The following IFT74 variants were observed in gnomAD, a reference collection of about 807,000 sequenced individuals.
IFT74 encodes intraflagellar transport 74, also known as intraflagellar transport protein 74 homolog.
In IFT74, 92 loss-of-function variants were observed where a neutral mutation model predicts 96.7. The observed-to-expected ratio is 0.95, with a 90% CI of 0.80 to 1.13. The LOEUF is 1.13. Ranked by LOEUF, IFT74 falls within the 50% of genes most tolerant of loss-of-function variation. The probability of loss-of-function intolerance (pLI) is 0.00; values close to 1 mark genes in which losing one functional copy is unlikely to be tolerated. For synonymous variants in IFT74, 223 were observed against 213.2 expected, an observed-to-expected ratio of 1.05 and a Z score of -0.40; for missense variants, 811 against 698.2, an observed-to-expected ratio of 1.16 and a Z score of -1.82.
chr9:26,999,777 T>C lies in IFT74; in HGVS notation c.588-9243T>C. Reference sequence around the variant, plus strand: ...CTTTTGAATCTGTTTATTCTTTTTTTTTTTTTTTTTTTTTGGCTGAGACAG... The same window carrying C: ...CTTTTGAATCTGTTTATTCTTTTTTCTTTTTTTTTTTTTTGGCTGAGACAG... On this transcript the variant is annotated intron_variant, in intron 8 of 19. Transcript: ENST00000380062. 28 of 896,146 alleles carry C rather than the reference T, an allele frequency of 3.1e-5. No homozygotes were observed. The East Asian group carries it at 6.3e-4, about 20-fold the overall frequency. 55.5% of individuals were successfully genotyped at this position (896,146 alleles called of 1,614,324 possible).
intron 9 of IFT74, among the ~76,000 whole-genome samples, chr9:27,010,521 G>T (rs1756223838): frequency 7.2e-6 from 1 of 138,654 alleles, no homozygotes; most frequent in African/African-American, 2.7e-5. Context: ...ACGGAGTTTC[G>T]CTCTGTCGCC....
intron 8 of IFT74, chr9:26,995,978 A>AT: frequency 4.1e-6 from 3 of 735,908 alleles, no homozygotes; most frequent in South Asian, 5.4e-5. Context: ...TTTTCTTTAG[A>AT]TTTTGTTTGG....
At chr9:27,053,235 T>C (rs1820014508) in intron 16 of IFT74, among the ~76,000 whole-genome samples, 1 of 145,172 alleles carries the variant, frequency 6.9e-6, no homozygotes, top group Non-Finnish European at 1.5e-5. Context: ...ACTTAGATAT[T>C]ATAATGGCCC....
intron 1 of IFT74, chr9:26,947,189 G>C (rs539778490): frequency 2.0e-6 from 2 of 995,150 alleles, no homozygotes; most frequent in East Asian, 3.1e-5. Flanking sequence ...GAGCCGGTAC[G>C]GAAGGGCGGC....
At chr9:27,039,097 A>G (rs930358677) in intron 13 of IFT74, among the ~76,000 whole-genome samples, 2 of 152,184 alleles carry the variant, frequency 1.3e-5, no homozygotes, top group African/African-American at 4.8e-5. Context: ...CCACCTCACC[A>G]TATGGGCACC....
At chr9:27,059,130 A>G (rs942514892) in intron 18 of IFT74, among the ~76,000 whole-genome samples, 3 of 151,954 alleles carry the variant, frequency 2.0e-5, no homozygotes, top group Non-Finnish European at 2.9e-5. Flanking sequence ...TTAATTGCTA[A>G]TTTTAACTCC....
At chr9:27,033,702 T>A (rs77461142) in intron 13 of IFT74, among the ~76,000 whole-genome samples, 1,939 of 152,260 alleles carry the variant, frequency 0.013, 39 homozygotes, top group African/African-American at 0.045. Flanking sequence ...GTTTCTAATT[T>A]TTTACTCCCA....
intron 1 of IFT74, among the ~76,000 whole-genome samples, chr9:26,958,329 G>A (rs1218551336): frequency 6.6e-6 from 1 of 152,182 alleles, no homozygotes; most frequent in Admixed American, 6.5e-5. Flanking sequence ...TGAAGAAGAC[G>A]AAGATTCCAA....
At chr9:26,984,587 C>T in intron 6 of IFT74, 28 bp downstream of exon 6, 1 of 1,545,770 alleles carries the variant, frequency 6.5e-7, no homozygotes. Context: ...AGAGAATTTA[C>T]TGTTAATATT....
chr9:26,980,666 G>T, intron 4 of IFT74, 47 bp downstream of exon 4: 1 of 1,221,074 alleles, frequency 8.2e-7, no homozygotes, highest in Non-Finnish European at 1.2e-6. Flanking sequence ...TCGAAATATT[G>T]TGTACCTTCT....
upstream of IFT74, among the ~76,000 whole-genome samples, chr9:26,952,317 C>T (rs1465685194): frequency 6.6e-6 from 1 of 150,442 alleles, no homozygotes; most frequent in South Asian, 2.1e-4. Flanking sequence ...TACTCTTGTC[C>T]CCAAGCTGGA....
chr9:27,061,707 T>TATATATATATGTAC (rs1564011674), intron 19 of IFT74, among the ~76,000 whole-genome samples: 3 of 141,916 alleles, frequency 2.1e-5, no homozygotes, highest in African/African-American at 7.7e-5. Flanking sequence ...GTACATAATA[T>TATATATATATGTAC]ATAATATATA....
chr9:26,948,428 A>G (rs1825815581), intron 1 of IFT74, among the ~76,000 whole-genome samples: 1 of 133,262 alleles, frequency 7.5e-6, no homozygotes, highest in South Asian at 2.4e-4. Flanking sequence ...CTGTTTGACA[A>G]CCTGTGATGG....
At chr9:26,985,921 A>G (rs920901494) in intron 6 of IFT74, among the ~76,000 whole-genome samples, 15 of 152,202 alleles carry the variant, frequency 9.9e-5, no homozygotes, top group African/African-American at 3.6e-4. Context: ...AGTATATAAC[A>G]TGATATAGTT....
intron 16 of IFT74, among the ~76,000 whole-genome samples, chr9:27,052,048 A>G (rs1473681477): frequency 2.0e-5 from 3 of 152,210 alleles, no homozygotes; most frequent in Admixed American, 6.5e-5. Flanking sequence ...TCTAAAGTCA[A>G]TGTAAATTCA....
upstream of IFT74, chr9:26,956,170 A>G (rs898764948): frequency 2.6e-5 from 4 of 152,278 alleles, no homozygotes; most frequent in African/African-American, 9.6e-5. Flanking sequence ...CAAGTAAGGC[A>G]CACGGAGGTT....
intron 14 of IFT74, 76 bp downstream of exon 14, chr9:27,044,871 A>T: frequency 1.2e-6 from 1 of 829,408 alleles, no homozygotes; most frequent in Non-Finnish European, 1.9e-6. Context: ...CAGAGACCTC[A>T]TTTTGGGCAG....
chr9:26,997,974 A>G (rs552964933), intron 8 of IFT74: 1 of 1,613,938 alleles, frequency 6.2e-7, no homozygotes, highest in Non-Finnish European at 8.5e-7. Flanking sequence ...AAGCCTAAAA[A>G]TGCACCCTGT....
rs554919206 is a variant in IFT74 at position 26,993,867 on chromosome 9, A to G, written c.587+3672A>G. On this transcript the variant is annotated intron_variant, in intron 8 of 19. Coordinates refer to ENST00000380062, the MANE Select transcript of IFT74 (RefSeq NM_025103.4). ...ACCAGAAATATTATTTCACCCATCA[A>G]TATATTTCATTATTTCAGAGATATA... The G allele has an allele frequency of 2.0e-5, 3 of 152,262 alleles. No individual in the cohort carries two copies. The South Asian group carries it at 6.2e-4, about 32-fold the overall frequency. The allele number at this position is 152,262 out of a possible 1,614,324, so 9.4% of individuals were successfully genotyped here.
Sources: gnomAD v4.1 joint callset for allele counts (sites outside exome capture counted in the v4.1 genomes callset) on GRCh38, gnomAD v4.1.1 for gene constraint, MANE v1.5 for transcripts, NCBI Gene and HGNC (gene_info 2026-07-23, HGNC 2026-07-21) for gene names.